Variants in CD8B2 observed in about 807,000 individuals in gnomAD.
The protein encoded by CD8B2 is T-cell surface glycoprotein CD8 beta-2 chain.
In CD8B2, 11 loss-of-function variants were observed where a neutral mutation model predicts 23.7. The ratio of observed to expected loss-of-function variants is 0.46; its 90% confidence interval spans 0.29 to 0.77. The LOEUF is 0.77. Among genes scored for constraint, CD8B2 ranks in the 30% least tolerant of loss-of-function variants. The probability of loss-of-function intolerance (pLI) is 0.09; values close to 1 mark genes in which losing one functional copy is unlikely to be tolerated. For missense variants in CD8B2, 197 were observed against 270.5 expected (o/e 0.73, Z 1.91); for synonymous variants, 90 against 109.3 (o/e 0.82, Z 1.10).
intron 5 of CD8B2, among the ~76,000 whole-genome samples, chr2:106,525,939 C>T (rs1482183963): frequency 1.3e-5 from 2 of 152,124 alleles, no homozygotes; most frequent in Non-Finnish European, 2.9e-5. Flanking sequence ...ATAAAATACA[C>T]TTTTTTTAAA....
At chr2:106,527,814 C>CAAAG (rs1393634742) in intron 5 of CD8B2, among the ~76,000 whole-genome samples, 4 of 151,316 alleles carry the variant, frequency 2.6e-5, no homozygotes, top group African/African-American at 4.9e-5. Flanking sequence ...AAAAAACAAA[C>CAAAG]AAACAAACAA....
chr2:106,496,719 A>G (rs1303947727), intron 3 of CD8B2, among the ~76,000 whole-genome samples: 7 of 151,966 alleles, frequency 4.6e-5, no homozygotes, highest in Non-Finnish European at 8.8e-5. Flanking sequence ...GATCCTCTGT[A>G]GAGACAGAAT....
intron 3 of CD8B2, among the ~76,000 whole-genome samples, chr2:106,501,170 G>A (rs1343344521): frequency 6.6e-6 from 1 of 152,042 alleles, no homozygotes; most frequent in East Asian, 1.9e-4. Flanking sequence ...AAATATACAG[G>A]TTGTTTTCTG....
intron 5 of CD8B2, among the ~76,000 whole-genome samples, chr2:106,539,409 T>C (rs1311108030): frequency 6.6e-6 from 1 of 152,262 alleles, no homozygotes; most frequent in Non-Finnish European, 1.5e-5. Context: ...AACTACTTTA[T>C]GGAATTGAAG....
Position 106,507,289 on chromosome 2 carries a change from T to C in CD8B2, c.*349T>C, listed in dbSNP as rs73952240. ...CCGTTTAGCCACCATCTTTGCAAGT[T>C]GCTTTGCCCTGGTAGGGCAGTAACA... is the stretch of plus-strand genomic sequence containing the variant. On this transcript the variant is annotated 3_prime_UTR_variant, in exon 6 of 6. Transcript: ENST00000643224. 0.029 allele frequency: 31,101 copies of C among 1,081,234 alleles called. 532 individuals carry two copies. The highest frequency in any genetic ancestry group is 0.04 in the African/African-American group (2,409 of 60,360). The allele number at this position is 1,081,234 out of a possible 1,614,324, so 67.0% of individuals were successfully genotyped here.
intron 5 of CD8B2, among the ~76,000 whole-genome samples, chr2:106,529,626 A>G (rs1201050217): frequency 6.6e-6 from 1 of 152,196 alleles, no homozygotes; most frequent in Non-Finnish European, 1.5e-5. Context: ...TTTTTGTCCA[A>G]GTCACTACTG....
intron 5 of CD8B2, among the ~76,000 whole-genome samples, chr2:106,529,937 A>T (rs564728553): frequency 6.6e-6 from 1 of 152,336 alleles, no homozygotes; most frequent in Non-Finnish European, 1.5e-5. Context: ...GTGAAAAACC[A>T]TAGCAAAACC....
chr2:106,543,661 T>A (rs1054567434), intron 5 of CD8B2, among the ~76,000 whole-genome samples: 1 of 151,458 alleles, frequency 6.6e-6, no homozygotes, highest in African/African-American at 2.4e-5. Context: ...ATAAATAAAT[T>A]AATTAAACAA....
chr2:106,505,467 G>C (rs1384712021), intron 5 of CD8B2, among the ~76,000 whole-genome samples: 1 of 152,152 alleles, frequency 6.6e-6, no homozygotes, highest in Non-Finnish European at 1.5e-5. Context: ...CAATCTCACA[G>C]TCAGTGTGAG....
At chr2:106,518,227 T>C (rs1558882856) in intron 5 of CD8B2, among the ~76,000 whole-genome samples, 1 of 152,174 alleles carries the variant, frequency 6.6e-6, no homozygotes. Flanking sequence ...ATGAAAATAA[T>C]ATTTTCTACT....
At chr2:106,520,997 C>CG (rs1679816667) in intron 5 of CD8B2, among the ~76,000 whole-genome samples, 1 of 138,646 alleles carries the variant, frequency 7.2e-6, no homozygotes, top group Non-Finnish European at 1.5e-5. Context: ...GAAAAAATTG[C>CG]AAAAAAAAAA....
Position 106,536,506 on chromosome 2 carries a change from A to T in CD8B2, c.621-7486A>T, listed in dbSNP as rs554351238. On this transcript the variant is annotated intron_variant, in intron 5 of 5. Transcript: ENST00000416057. The stretch of plus-strand genomic sequence containing the variant: ...ACACAGACCCAAACCATTTCAGCTT[A>T]GATATAGGTTGGTGGGAGAGGTTTC... Among the ~76,000 whole-genome samples the T allele has an allele frequency of 2.0e-5, 3 of 152,340 alleles. No homozygotes were observed. The South Asian group carries it at 6.2e-4, about 32-fold the overall frequency.
chr2:106,491,731 T>G (rs1303808472), intron 2 of CD8B2, among the ~76,000 whole-genome samples: 1 of 152,082 alleles, frequency 6.6e-6, no homozygotes, highest in Non-Finnish European at 1.5e-5. Context: ...GTATTTTTAG[T>G]GGAGACGAGA....
At chr2:106,523,064 C>G (rs140343137) in intron 5 of CD8B2, among the ~76,000 whole-genome samples, 176 of 152,290 alleles carry the variant, frequency 1.2e-3, no homozygotes, top group African/African-American at 3.8e-3. Flanking sequence ...TTGCCATGGT[C>G]TTTGAACTCA....
At position 106,491,183 on chromosome 2, in the gene CD8B2, T is replaced by G. The variant is rs202112538; in HGVS notation, c.353T>G (p.Ile118Ser). The change falls in exon 2 of 6, where the codon ATC becomes AGC. Residue 118 changes from isoleucine to serine, a missense_variant. This residue lies in a region of CD8B2 where 140 missense variants were observed against 164.2 expected (regional missense o/e 0.85). Coordinates refer to ENST00000643224, the MANE Select transcript of CD8B2 (RefSeq NM_001349727.2). ...PEDSGIYFCM[I>S]VGSPELTFGK... is the part of the protein sequence containing the mutation. ...GACAGTGGCATCTACTTCTGCATGA[T>G]CGTCGGGAGCCCCGAGCTGACCTTC... 7 of 1,613,482 alleles carry G rather than the reference T, an allele frequency of 4.3e-6. No individual in the cohort carries two copies. The highest frequency in any genetic ancestry group is 5.9e-6 in the Non-Finnish European group (7 of 1,179,538).
At chr2:106,511,925 G>A (rs1490483557), downstream of CD8B2, among the ~76,000 whole-genome samples, 6 of 152,186 alleles carry the variant, frequency 3.9e-5, no homozygotes, top group Non-Finnish European at 5.9e-5. Context: ...AAGCAGAGGC[G>A]CTGAAAAAGA....
In CD8B2 at chr2:106,536,617, A is replaced by T. The variant is rs142182818; in HGVS notation, c.621-7375A>T. Among the ~76,000 whole-genome samples the T allele has an allele frequency of 4.6e-5, 7 of 152,344 alleles. No individual in the cohort carries two copies. The East Asian group carries it at 1.2e-3, about 25-fold the overall frequency. ...TATATTCAGCTTTGCTGTAGAGAAC[A>T]ATGAATAGATGAAAAGGGTGAAACT... On this transcript the variant is annotated intron_variant, in intron 5 of 5. Transcript: ENST00000416057.
chr2:106,517,768 A>G (rs917954853), intron 5 of CD8B2, among the ~76,000 whole-genome samples: 1 of 151,772 alleles, frequency 6.6e-6, no homozygotes, highest in African/African-American at 2.4e-5. Context: ...GCTGGAGTGC[A>G]GTGGCGCGAT....
chr2:106,506,937 AT>A lies in CD8B2; in HGVS notation c.631del (p.Ter211GlufsTer39). 4 of 1,600,210 alleles carry A rather than the reference AT, an allele frequency of 2.5e-6. No homozygotes were observed. Among genetic ancestry groups the A allele is most frequent in the Non-Finnish European group, 3.4e-6 (4 of 1,173,486 alleles). On this transcript the variant is annotated frameshift_variant and stop_lost, in exon 6 of 6. Transcript: ENST00000643224. LOFTEE classifies it high-confidence loss of function. ...TTGCTGTTGTTTTCAGATTTTACAA[AT>A]GAGCAGAGAATACGGTTTTGGTGTC... ...RLRFMKQFYK[*>X]
Sources: allele counts gnomAD v4.1 joint callset (sites outside exome capture counted in the v4.1 genomes callset), GRCh38; gene constraint gnomAD v4.1.1; regional missense constraint gnomAD v4.1.1; transcripts MANE v1.5; gene names NCBI Gene and HGNC (gene_info 2026-07-23, HGNC 2026-07-21).